Variants in PDE7B observed in about 807,000 individuals in gnomAD.
The protein encoded by PDE7B is phosphodiesterase 7B, also known as 3',5'-cyclic-AMP phosphodiesterase 7B.
In PDE7B, 29 loss-of-function variants were observed where a neutral mutation model predicts 56.2. The observed-to-expected ratio is 0.52, with a 90% CI of 0.38 to 0.70. The LOEUF is 0.70. PDE7B is among the 30% of genes least tolerant of loss of function. PDE7B has a pLI of 0.00. For synonymous variants in PDE7B, 197 were observed against 196.9 expected (o/e 1.00, Z 0.00); for missense variants, 490 against 565.0 (o/e 0.87, Z 1.35).
chr6:135,872,435 C>CA lies in PDE7B; in HGVS notation c.21+20424dup, dbSNP rs532078918. Among the ~76,000 whole-genome samples the CA allele has an allele frequency of 2.7e-3, 403 of 151,650 alleles. 1 individual carries two copies. Among genetic ancestry groups the CA allele is most frequent in the Middle Eastern group, 3.4e-3 (1 of 294 alleles). ...ATTTTCAATTTCACATAAGACACTG[C>CA]AAAAAAAATCATACAGAAAAGATAT... On this transcript the variant is annotated intron_variant, in intron 1 of 12. Coordinates refer to ENST00000308191, the MANE Select transcript of PDE7B (RefSeq NM_018945.4).
intron 2 of PDE7B, among the ~76,000 whole-genome samples, chr6:136,023,066 T>C (rs1776099329): frequency 6.6e-6 from 1 of 152,136 alleles, no homozygotes; most frequent in Admixed American, 6.5e-5. Context: ...TTTTCCCAAT[T>C]ATCTATTTGT....
chr6:136,136,195 C>A (rs1323310773), intron 3 of PDE7B, among the ~76,000 whole-genome samples: 1 of 152,062 alleles, frequency 6.6e-6, no homozygotes, highest in African/African-American at 2.4e-5. Context: ...CACTGTCAAA[C>A]TAATTAACAG....
At position 135,974,506 on chromosome 6, in the gene PDE7B, T is replaced by C. The variant is rs572660204; in HGVS notation, c.82+26982T>C. On this transcript the variant is annotated intron_variant, in intron 2 of 12. Coordinates refer to ENST00000308191, the MANE Select transcript of PDE7B (RefSeq NM_018945.4). ...TCAAAGATTGAAGTCTTACTAGATG[T>C]AGCAATTTCTGGTGAAAGAAAAGAA... 7.9e-5 allele frequency among the ~76,000 whole-genome samples: 12 copies of C among 152,308 alleles called. No individual in the cohort carries two copies. The East Asian group carries it at 1.4e-3, about 17-fold the overall frequency.
chr6:136,011,855 T>C (rs556513430), intron 2 of PDE7B, among the ~76,000 whole-genome samples: 3 of 152,178 alleles, frequency 2.0e-5, no homozygotes, highest in South Asian at 2.1e-4. Flanking sequence ...AGTTTCAGAG[T>C]ATAAGTTTTA....
At chr6:136,117,011 T>C (rs1203753177) in intron 3 of PDE7B, 2 of 152,196 alleles carry the variant, frequency 1.3e-5, no homozygotes, top group Non-Finnish European at 2.9e-5. Flanking sequence ...TCCCTCATGA[T>C]GGATTCTATT....
chr6:135,916,764 A>T (rs1773957494), intron 1 of PDE7B, among the ~76,000 whole-genome samples: 1 of 152,088 alleles, frequency 6.6e-6, no homozygotes, highest in Non-Finnish European at 1.5e-5. Context: ...AGTTTTAAAA[A>T]ATATATTCTA....
intron 10 of PDE7B, among the ~76,000 whole-genome samples, chr6:136,180,392 TGGA>T (rs1459432151): frequency 1.3e-5 from 2 of 152,192 alleles, no homozygotes; most frequent in Admixed American, 6.5e-5. Flanking sequence ...AGGCAGAGGC[TGGA>T]GGAGGCTTCT....
At chr6:136,113,010 G>A (rs1435587746) in intron 3 of PDE7B, among the ~76,000 whole-genome samples, 1 of 152,004 alleles carries the variant, frequency 6.6e-6, no homozygotes, top group South Asian at 2.1e-4. Context: ...GCTTATATAG[G>A]TTTTCCCAAA....
intron 2 of PDE7B, among the ~76,000 whole-genome samples, chr6:136,024,814 A>C (rs1583834529): frequency 6.6e-6 from 1 of 152,218 alleles, no homozygotes; most frequent in African/African-American, 2.4e-5. Flanking sequence ...GGTTCTAGAG[A>C]AAAAGCCCCC....
At chr6:136,003,780 G>A (rs969902843) in intron 2 of PDE7B, among the ~76,000 whole-genome samples, 4 of 152,142 alleles carry the variant, frequency 2.6e-5, no homozygotes. Flanking sequence ...GGTACAAGGA[G>A]GAACTGGTAC....
At chr6:135,862,536 G>A (rs909516253) in intron 1 of PDE7B, among the ~76,000 whole-genome samples, 3 of 151,674 alleles carry the variant, frequency 2.0e-5, no homozygotes, top group Non-Finnish European at 1.5e-5. Flanking sequence ...TATTAAATTA[G>A]TTAGGAAATA....
At chr6:136,031,700 C>T (rs1776249442) in intron 2 of PDE7B, among the ~76,000 whole-genome samples, 1 of 141,332 alleles carries the variant, frequency 7.1e-6, no homozygotes, top group African/African-American at 2.6e-5. Context: ...GATCCCGCCA[C>T]TGCACTCCAG....
At chr6:135,878,747 A>T (rs1775547797) in intron 1 of PDE7B, among the ~76,000 whole-genome samples, 1 of 152,214 alleles carries the variant, frequency 6.6e-6, no homozygotes, top group South Asian at 2.1e-4. Flanking sequence ...CCTTACCAAA[A>T]ATCTATAAAC....
chr6:135,905,119 T>G (rs1400722353), intron 1 of PDE7B, among the ~76,000 whole-genome samples: 1 of 152,222 alleles, frequency 6.6e-6, no homozygotes, highest in African/African-American at 2.4e-5. Context: ...ATGTGGCCAC[T>G]ACTGACCACA....
At chr6:136,003,748 T>A (rs1775718840) in intron 2 of PDE7B, among the ~76,000 whole-genome samples, 2 of 152,172 alleles carry the variant, frequency 1.3e-5, no homozygotes, top group Non-Finnish European at 2.9e-5. Context: ...ACCAGATGGA[T>A]TCACAGCCGA....
intron 11 of PDE7B, among the ~76,000 whole-genome samples, chr6:136,185,637 T>C (rs562895587): frequency 2.0e-5 from 3 of 151,894 alleles, no homozygotes; most frequent in Non-Finnish European, 2.9e-5. Context: ...TGGTGGTACA[T>C]GCCTGTAGTC....
chr6:136,023,311 C>A (rs1451234314), intron 2 of PDE7B, among the ~76,000 whole-genome samples: 2 of 152,216 alleles, frequency 1.3e-5, no homozygotes. Context: ...AGGACATAGA[C>A]AAGGTGTGAC....
At chr6:135,968,141 T>C (rs112797411) in intron 2 of PDE7B, among the ~76,000 whole-genome samples, 44 of 152,262 alleles carry the variant, frequency 2.9e-4, no homozygotes, top group Admixed American at 5.2e-4. Context: ...CCTTATACCT[T>C]ATGCAAAAAT....
At chr6:136,064,225 G>A (rs1776892812) in intron 2 of PDE7B, among the ~76,000 whole-genome samples, 1 of 152,116 alleles carries the variant, frequency 6.6e-6, no homozygotes, top group Non-Finnish European at 1.5e-5. Context: ...TAAAGGAAAA[G>A]CACAAACAGG....
Sources: allele counts gnomAD v4.1 joint callset (sites outside exome capture counted in the v4.1 genomes callset), GRCh38; gene constraint gnomAD v4.1.1; transcripts MANE v1.5; gene names NCBI Gene and HGNC (gene_info 2026-07-23, HGNC 2026-07-21).